The following KMT2C variants were observed in gnomAD, a reference collection of about 807,000 sequenced individuals.
KMT2C encodes histone-lysine N-methyltransferase 2C.
KMT2C carries 88 observed loss-of-function variants against 507.9 expected under a neutral mutation model. That is an observed-to-expected ratio of 0.17 (90% CI 0.15 to 0.21). The LOEUF is 0.21. Among genes scored for constraint, KMT2C ranks in the 10% least tolerant of loss-of-function variants. The pLI is 1.00. For missense variants in KMT2C, 4,954 were observed against 5,957.8 expected, an observed-to-expected ratio of 0.83 and a Z score of 5.55; for synonymous variants, 2,049 against 2,080.8, an observed-to-expected ratio of 0.98 and a Z score of 0.42.
At chr7:152,308,673 C>CAAAGAAAAAAA (rs2096641907) in intron 6 of KMT2C, among the ~76,000 whole-genome samples, 1 of 24,558 alleles carries the variant, frequency 4.1e-5, no homozygotes, top group Non-Finnish European at 7.6e-5. Context: ...AAACTCCTCT[C>CAAAGAAAAAAA]AAAAAAAAAA....
At chr7:152,415,859 AAC>A (rs568082551) in intron 1 of KMT2C, among the ~76,000 whole-genome samples, 185 of 152,302 alleles carry the variant, frequency 1.2e-3, no homozygotes, top group African/African-American at 4.5e-3. Flanking sequence ...CAGCCTGGGC[AAC>A]AGTGTAAGAC....
intron 9 of KMT2C, among the ~76,000 whole-genome samples, chr7:152,259,055 C>T (rs1241557829): frequency 6.6e-6 from 1 of 152,002 alleles, no homozygotes; most frequent in Non-Finnish European, 1.5e-5. Flanking sequence ...GCCAATAATG[C>T]ATGCCTCTCA....
At chr7:152,357,613 GAAAA>G (rs79542844) in intron 2 of KMT2C, among the ~76,000 whole-genome samples, 1 of 149,228 alleles carries the variant, frequency 6.7e-6, no homozygotes, top group East Asian at 2.0e-4. Flanking sequence ...ATATAGTACA[GAAAA>G]AAAAACCATA....
Position 152,174,246 on chromosome 7 carries a change from G to C in KMT2C, c.9263-4C>G, listed in dbSNP as rs2129110946. ...GGATCTGTAATTGCATCAAAATCTAGAAAAGAAATATAAAGTTACTTATTT... is the reference window on the plus strand; with the variant it reads ...GGATCTGTAATTGCATCAAAATCTACAAAAGAAATATAAAGTTACTTATTT... On this transcript the variant is annotated splice_polypyrimidine_tract_variant and splice_region_variant and intron_variant, in intron 38 of 58. Coordinates refer to ENST00000262189, the MANE Select transcript of KMT2C (RefSeq NM_170606.3). 4 of 1,441,400 alleles carry C rather than the reference G, an allele frequency of 2.8e-6. No individual in the cohort carries two copies. The highest frequency in any genetic ancestry group is 3.9e-6 in the Non-Finnish European group (4 of 1,031,454). The allele number at this position is 1,441,400 out of a possible 1,614,324, so 89.3% of individuals were successfully genotyped here. A position where few individuals can be genotyped will look rare whatever the true frequency, so the allele number is the denominator to read the frequency against.
At chr7:152,275,963 A>C (rs1276213015) in intron 6 of KMT2C, among the ~76,000 whole-genome samples, 1 of 152,224 alleles carries the variant, frequency 6.6e-6, no homozygotes, top group African/African-American at 2.4e-5. Flanking sequence ...AGTAATTTAA[A>C]TTGACCAGCT....
At position 152,231,801 on chromosome 7, in the gene KMT2C, G is replaced by T. The variant is rs371020756; in HGVS notation, c.2770-1480C>A. On this transcript the variant is annotated intron_variant, in intron 16 of 58. Coordinates refer to ENST00000262189, the MANE Select transcript of KMT2C (RefSeq NM_170606.3). ...GTCTCAAAAAAAAAAAAGAAGGAAG[G>T]AAGTTTGGTTGGTTAACTAAACAGA... Among the ~76,000 whole-genome samples the T allele has an allele frequency of 2.1e-5, 3 of 142,354 alleles. No homozygotes were observed. In the East Asian group the frequency reaches 6.2e-4, roughly 29 times the overall value. 93.4% of individuals were successfully genotyped at this position (142,354 alleles called of 152,430 possible). A position where few individuals can be genotyped will look rare whatever the true frequency, so the allele number is the denominator to read the frequency against.
intron 6 of KMT2C, among the ~76,000 whole-genome samples, chr7:152,293,796 C>T (rs10237008): frequency 0.11 from 16,476 of 152,192 alleles, 2,124 homozygotes; most frequent in African/African-American, 0.31. Context: ...AATTTTTCAG[C>T]TTCCTCTTAG....
chr7:152,214,528 A>T (rs533368860), intron 23 of KMT2C, among the ~76,000 whole-genome samples: 1 of 152,308 alleles, frequency 6.6e-6, no homozygotes, highest in African/African-American at 2.4e-5. Context: ...ATGAAAAAAA[A>T]ATCAGTTTTG....
At chr7:152,287,194 T>C (rs1326267052) in intron 6 of KMT2C, among the ~76,000 whole-genome samples, 2 of 152,318 alleles carry the variant, frequency 1.3e-5, no homozygotes, top group Admixed American at 1.3e-4. Flanking sequence ...GACATATCCC[T>C]ATCCCTCCCT....
At chr7:152,421,659 T>C (rs896917278) in intron 1 of KMT2C, among the ~76,000 whole-genome samples, 5 of 152,216 alleles carry the variant, frequency 3.3e-5, no homozygotes, top group Admixed American at 3.3e-4. Context: ...TACTGTGTGT[T>C]CTAACTTCCA....
intron 42 of KMT2C, among the ~76,000 whole-genome samples, chr7:152,164,160 AAAG>A (rs1203021734): frequency 6.6e-6 from 1 of 152,212 alleles, no homozygotes; most frequent in African/African-American, 2.4e-5. Flanking sequence ...ATACAATAAA[AAAG>A]GTTACACAAG....
At chr7:152,421,605 T>A (rs932233557) in intron 1 of KMT2C, among the ~76,000 whole-genome samples, 1 of 152,196 alleles carries the variant, frequency 6.6e-6, no homozygotes, top group Admixed American at 6.5e-5. Context: ...TGGATGCAGT[T>A]GGAGGCCATT....
intron 1 of KMT2C, among the ~76,000 whole-genome samples, chr7:152,374,161 C>T (rs1476520999): frequency 6.6e-6 from 1 of 151,554 alleles, no homozygotes; most frequent in African/African-American, 2.4e-5. Flanking sequence ...ACTAAAAATA[C>T]AAAAATTAGC....
intron 41 of KMT2C, among the ~76,000 whole-genome samples, chr7:152,168,149 A>T (rs1046502538): frequency 8.8e-5 from 13 of 147,582 alleles, no homozygotes; most frequent in African/African-American, 3.2e-4. Flanking sequence ...GTCCAAGGGG[A>T]AAAAAAAAAA....
At chr7:152,147,726 A>G (rs2091272651) in intron 52 of KMT2C, among the ~76,000 whole-genome samples, 1 of 134,204 alleles carries the variant, frequency 7.5e-6, no homozygotes, top group Non-Finnish European at 1.5e-5. Flanking sequence ...AAAAAAAAAA[A>G]AAGAAAAAGA....
At chr7:152,383,893 G>C (rs1239728028) in intron 1 of KMT2C, among the ~76,000 whole-genome samples, 2 of 152,044 alleles carry the variant, frequency 1.3e-5, no homozygotes, top group Non-Finnish European at 2.9e-5. Flanking sequence ...ATGACGTGAA[G>C]AGTTGTGCTG....
chr7:152,228,914 AT>A (rs1221887549), intron 18 of KMT2C, among the ~76,000 whole-genome samples: 4 of 152,186 alleles, frequency 2.6e-5, no homozygotes, highest in Non-Finnish European at 5.9e-5. Flanking sequence ...CTAGTCTTCT[AT>A]TTTGGATAGT....
intron 1 of KMT2C, among the ~76,000 whole-genome samples, chr7:152,371,267 A>G (rs1165185883): frequency 6.6e-6 from 1 of 152,220 alleles, no homozygotes; most frequent in Non-Finnish European, 1.5e-5. Context: ...ATGTGAAAGG[A>G]GACGTTAAAT....
rs2129095127 is a variant in KMT2C at position 152,148,352 on chromosome 7, G to A, written c.13575C>T (p.Val4525=). The change falls in exon 52 of 59, where the codon GTC becomes GTT. Residue 4525 remains valine, a synonymous_variant. Coordinates refer to ENST00000262189, the MANE Select transcript of KMT2C (RefSeq NM_170606.3). The surrounding 1 kb of genome is among the most constrained non-coding windows in gnomAD (Gnocchi z 7.1). ...ELSYFAVFRR[V]YVQRDEVRQI... is the part of the protein sequence containing the mutation. ...GTCGCACCTCATCACGCTGAACATAGACCCTCCTGAAGACTGCAAAGTAAC... is the reference window on the plus strand; with the variant it reads ...GTCGCACCTCATCACGCTGAACATAAACCCTCCTGAAGACTGCAAAGTAAC... 6.2e-7 allele frequency: 1 copy of A among 1,614,238 alleles called. No individual in the cohort carries two copies. The highest frequency in any genetic ancestry group is 8.5e-7 in the Non-Finnish European group (1 of 1,180,040).
Sources: gnomAD v4.1 joint callset for allele counts (sites outside exome capture counted in the v4.1 genomes callset) on GRCh38, gnomAD v4.1.1 for gene constraint, Gnocchi (gnomAD v3.1) non-coding constraint, MANE v1.5 for transcripts, NCBI Gene and HGNC (gene_info 2026-07-23, HGNC 2026-07-21) for gene names.